ATP10B: variants seen among roughly 807,000 people sequenced by gnomAD.
ATP10B encodes ATPase phospholipid transporting 10B (putative), also known as phospholipid-transporting ATPase VB.
In ATP10B, 122 loss-of-function variants were observed where a neutral mutation model predicts 141.2. The ratio of observed to expected loss-of-function variants is 0.86; its 90% confidence interval spans 0.75 to 1.00. The LOEUF is 1.00. Ranked by LOEUF, ATP10B falls within the 50% of genes least tolerant of loss-of-function variation. The pLI, the probability that ATP10B is intolerant of heterozygous loss-of-function variation, is 0.00. For synonymous variants in ATP10B, 685 were observed against 692.0 expected, an observed-to-expected ratio of 0.99 and a Z score of 0.16; for missense variants, 1,876 against 1,825.3, an observed-to-expected ratio of 1.03 and a Z score of -0.51.
the ATP10B span, among the ~76,000 whole-genome samples, chr5:160,894,878 G>C: frequency 6.6e-6 from 1 of 152,196 alleles, no homozygotes; most frequent in African/African-American, 2.4e-5. Flanking sequence ...CTACAAGCCA[G>C]AAGAAAGCGG....
chr5:160,616,032 C>T, intron 16 of ATP10B, 68 bp from the exon 17 acceptor site: 3 of 1,546,254 alleles, frequency 1.9e-6, no homozygotes, highest in Non-Finnish European at 2.6e-6. Flanking sequence ...TCTCTCTTCC[C>T]ACCTGCTGGG....
At chr5:160,707,283 A>G (rs1441516240) in intron 3 of ATP10B, among the ~76,000 whole-genome samples, 2 of 152,118 alleles carry the variant, frequency 1.3e-5, no homozygotes, top group East Asian at 3.9e-4. Flanking sequence ...ATACTGAGCA[A>G]CTTTCTAATG....
At chr5:160,685,266 C>A in intron 6 of ATP10B, 1 of 570,870 alleles carries the variant, frequency 1.8e-6, no homozygotes, top group South Asian at 2.3e-5. Context: ...TAATTTTCAT[C>A]TTTTACTTGC....
upstream of ATP10B, among the ~76,000 whole-genome samples, chr5:160,852,585 G>A (rs1388524120): frequency 2.6e-5 from 4 of 152,124 alleles, no homozygotes; most frequent in African/African-American, 9.7e-5. Context: ...AGCTTCAGAA[G>A]TCTCATTTTG....
intron 2 of ATP10B, among the ~76,000 whole-genome samples, chr5:160,761,055 C>T (rs1262782566): frequency 1.3e-5 from 2 of 152,162 alleles, no homozygotes; most frequent in Admixed American, 1.3e-4. Flanking sequence ...CCTTCTACTA[C>T]TGCAGCTGGT....
At chr5:160,819,192 C>G (rs1021965450) in intron 1 of ATP10B, among the ~76,000 whole-genome samples, 2 of 151,744 alleles carry the variant, frequency 1.3e-5, no homozygotes, top group South Asian at 2.1e-4. Context: ...ATAAAAGAAA[C>G]AAATCACATA....
the ATP10B span, among the ~76,000 whole-genome samples, chr5:160,902,447 C>T: frequency 1.6e-4 from 24 of 152,158 alleles, no homozygotes; most frequent in Non-Finnish European, 3.4e-4. Flanking sequence ...GTCAAACACT[C>T]AGCAACATGA....
At chr5:160,704,648 C>A (rs772842016) in intron 3 of ATP10B, among the ~76,000 whole-genome samples, 2 of 152,170 alleles carry the variant, frequency 1.3e-5, no homozygotes, top group African/African-American at 2.4e-5. Flanking sequence ...GCATTGAGTT[C>A]TCTCCAGCTA....
chr5:160,903,484 C>T, the ATP10B span, among the ~76,000 whole-genome samples: 5 of 152,298 alleles, frequency 3.3e-5, no homozygotes, highest in East Asian at 9.6e-4. Flanking sequence ...GGATCAGAGC[C>T]ACAGAGCATT....
intron 7 of ATP10B, among the ~76,000 whole-genome samples, chr5:160,651,194 T>G (rs1160167671): frequency 6.6e-6 from 1 of 152,190 alleles, no homozygotes; most frequent in African/African-American, 2.4e-5. Flanking sequence ...AGGCTCCCCA[T>G]GGTCAAACCT....
intron 1 of ATP10B, among the ~76,000 whole-genome samples, chr5:160,793,981 G>A (rs1771774621): frequency 6.6e-6 from 1 of 152,122 alleles, no homozygotes; most frequent in South Asian, 2.1e-4. Context: ...ATACCATCTA[G>A]GTTTGTGTAA....
the ATP10B span, among the ~76,000 whole-genome samples, chr5:160,878,294 A>T: frequency 3.3e-5 from 5 of 151,950 alleles, no homozygotes; most frequent in Non-Finnish European, 5.9e-5. Flanking sequence ...AGGATTCCCT[A>T]TTTAATAAAT....
chr5:160,903,567 C>T, the ATP10B span, among the ~76,000 whole-genome samples: 9 of 152,216 alleles, frequency 5.9e-5, no homozygotes, highest in Non-Finnish European at 1.0e-4. Flanking sequence ...AACTACCTAA[C>T]AATTTGATGG....
At chr5:160,799,070 GT>G (rs77658095) in intron 1 of ATP10B, among the ~76,000 whole-genome samples, 6,523 of 152,196 alleles carry the variant, frequency 0.043, 307 homozygotes, top group East Asian at 0.24. Flanking sequence ...CTGTTTCATC[GT>G]TAGTGAAATG....
rs1026862156 is a variant in ATP10B at position 160,652,662 on chromosome 5, A to G, written c.676-3406T>C. 1.2e-4 allele frequency among the ~76,000 whole-genome samples: 16 copies of G among 133,844 alleles called. 1 individual carries two copies. Among genetic ancestry groups the G allele is most frequent in the South Asian group, 2.2e-4 (1 of 4,482 alleles). The allele number at this position is 133,844 out of a possible 152,430, so 87.8% of individuals were successfully genotyped here. On this transcript the variant is annotated intron_variant, in intron 7 of 25. Transcript: ENST00000327245. ...ATAAAATAAAATTATATATGTATAT[A>G]TTATATATACATATATAAATACATA...
chr5:160,872,343 T>C, the ATP10B span, among the ~76,000 whole-genome samples: 3 of 152,222 alleles, frequency 2.0e-5, no homozygotes, highest in Admixed American at 2.0e-4. Flanking sequence ...TTTACTCTGC[T>C]GACTGTTCCT....
intron 24 of ATP10B, among the ~76,000 whole-genome samples, chr5:160,581,305 C>A (rs1057213925): frequency 6.6e-6 from 1 of 152,224 alleles, no homozygotes. Flanking sequence ...AAACGTCCCT[C>A]TAAACACTGC....
chr5:160,618,845 T>C (rs1420852161), intron 15 of ATP10B, among the ~76,000 whole-genome samples: 4 of 116,806 alleles, frequency 3.4e-5, no homozygotes, highest in African/African-American at 6.8e-5. Context: ...GAATCATTTT[T>C]TACCAGGGCT....
intron 18 of ATP10B, among the ~76,000 whole-genome samples, chr5:160,608,150 C>G (rs13436511): frequency 0.032 from 4,838 of 152,048 alleles, 235 homozygotes; most frequent in African/African-American, 0.11. Flanking sequence ...TCATTGTTCA[C>G]TTCCCACCTA....
Sources: gnomAD v4.1 joint callset for allele counts (sites outside exome capture counted in the v4.1 genomes callset) on GRCh38, gnomAD v4.1.1 for gene constraint, MANE v1.5 for transcripts, NCBI Gene and HGNC (gene_info 2026-07-23, HGNC 2026-07-21) for gene names.